The following STRADA variants were observed in gnomAD, a reference collection of about 807,000 sequenced individuals.
STRADA encodes the protein STE20 related adaptor alpha.
STRADA carries 26 observed loss-of-function variants against 55.0 expected under a neutral mutation model. That is an observed-to-expected ratio of 0.47 (90% CI 0.35 to 0.66). The LOEUF (loss-of-function observed/expected upper bound fraction) is 0.66, where lower values mean the gene tolerates loss of function less well. STRADA is among the 30% of genes least tolerant of loss of function. STRADA has a pLI of 0.01. For synonymous variants in STRADA, 197 were observed against 210.9 expected, an observed-to-expected ratio of 0.93 and a Z score of 0.57; for missense variants, 443 against 549.7, an observed-to-expected ratio of 0.81 and a Z score of 1.94.
chr17:63,729,846 T>G (rs1209948231), intron 1 of STRADA, among the ~76,000 whole-genome samples: 1 of 151,826 alleles, frequency 6.6e-6, no homozygotes, highest in Non-Finnish European at 1.5e-5. Context: ...TTTTCCTTTT[T>G]TTTTTTTTGA....
chr17:63,725,313 T>C (rs1418893303), intron 3 of STRADA, among the ~76,000 whole-genome samples: 1 of 152,126 alleles, frequency 6.6e-6, no homozygotes, highest in East Asian at 1.9e-4. Flanking sequence ...ATGTACTCAA[T>C]CTGATAATCT....
At chr17:63,739,477 G>A (rs535668418) in intron 1 of STRADA, among the ~76,000 whole-genome samples, 3 of 151,988 alleles carry the variant, frequency 2.0e-5, no homozygotes, top group Non-Finnish European at 4.4e-5. Flanking sequence ...CACCATGCCC[G>A]GTTATCTGTA....
In STRADA at chr17:63,719,571, C is replaced by A. The variant is rs181553549; in HGVS notation, c.123+3727G>T. Among the ~76,000 whole-genome samples the A allele has an allele frequency of 5.4e-3, 814 of 151,936 alleles. 6 individuals are homozygous for A. Among genetic ancestry groups the A allele is most frequent in the African/African-American group, 0.018 (743 of 41,408 alleles). The stretch of plus-strand genomic sequence containing the variant: ...CGATCTCGGCTCACTGCAACCTCCA[C>A]CTCCCAGGTTCAAGTGATTCTCCTG... On this transcript the variant is annotated intron_variant, in intron 4 of 12. Transcript: ENST00000336174.
intron 1 of STRADA, among the ~76,000 whole-genome samples, chr17:63,739,776 A>ATAATTATATG (rs2038738851): frequency 7.4e-6 from 1 of 134,970 alleles, no homozygotes; most frequent in African/African-American, 3.2e-5. Context: ...ATATATGTAC[A>ATAATTATATG]TATATACATA....
At chr17:63,739,253 A>G (rs2038690250) in intron 1 of STRADA, among the ~76,000 whole-genome samples, 1 of 152,074 alleles carries the variant, frequency 6.6e-6, no homozygotes, top group South Asian at 2.1e-4. Flanking sequence ...ATAACTGCAC[A>G]CAGGTATTTT....
At position 63,705,023 on chromosome 17, in the gene STRADA, C is replaced by T. The variant is rs751131131; in HGVS notation, c.859-441G>A. 8 of 1,059,052 alleles carry T rather than the reference C, an allele frequency of 7.6e-6. No homozygotes were observed. The African/African-American group carries it at 9.4e-5, about 12-fold the overall frequency. 65.6% of individuals were successfully genotyped at this position (1,059,052 alleles called of 1,614,324 possible). A position where few individuals can be genotyped will look rare whatever the true frequency, so the allele number is the denominator to read the frequency against. On this transcript the variant is annotated intron_variant, in intron 10 of 12. Transcript: ENST00000336174. ...CCTGCAGTGCCACAGCCTGGGCTGTCGCTGCAGCAGGCCACACGGGAGCAA... is the reference window on the plus strand; with the variant it reads ...CCTGCAGTGCCACAGCCTGGGCTGTTGCTGCAGCAGGCCACACGGGAGCAA...
At chr17:63,740,151 C>CAT (rs1340895689) in intron 1 of STRADA, among the ~76,000 whole-genome samples, 11,272 of 79,030 alleles carry the variant, frequency 0.14, 2,183 homozygotes, top group South Asian at 0.36. Flanking sequence ...TATATATACA[C>CAT]ACACACACAC....
chr17:63,707,311 A>G lies in STRADA; in HGVS notation c.689T>C (p.Val230Ala). The part of the protein sequence containing the change: ...MISHGQRQRV[V>A]HDFPKYSVKV... ...GACACTGTACTTGGGAAAATCGTGG[A>G]CCACTCGCTGCCGCTGCCCATGGCT... is the stretch of plus-strand genomic sequence containing the variant. Residue 230 changes from valine to alanine, a missense_variant, in exon 9 of 13, where the codon GTC (valine) becomes GCC (alanine). Transcript: ENST00000336174. 1 of 1,614,154 alleles carries G rather than the reference A, an allele frequency of 6.2e-7. No homozygotes were observed. The highest frequency in any genetic ancestry group is 1.1e-5 in the South Asian group (1 of 91,076).
At chr17:63,713,316 G>C in intron 6 of STRADA, 90 bp downstream of exon 6, 1 of 1,534,914 alleles carries the variant, frequency 6.5e-7, no homozygotes. Context: ...CGAACGTTTA[G>C]TCTCCCTTCA....
intron 4 of STRADA, chr17:63,714,606 C>T (rs1568191440): frequency 4.9e-6 from 1 of 203,554 alleles, no homozygotes; most frequent in African/African-American, 2.3e-5. Context: ...TTTAGCAAAC[C>T]AAGAGCCCGG....
chr17:63,725,406 C>T (rs1442853757), intron 3 of STRADA, among the ~76,000 whole-genome samples: 2 of 152,034 alleles, frequency 1.3e-5, no homozygotes, highest in East Asian at 3.9e-4. Flanking sequence ...GGCTGGAGTG[C>T]AATGGCGTGA....
chr17:63,728,098 TTTC>T lies in STRADA; in HGVS notation c.36+233_36+235del, dbSNP rs556832730. On this transcript the variant is annotated intron_variant, in intron 2 of 12. Transcript: ENST00000336174. ...GACTGATATTCATGAAATAAGCCACTTTCTTCTTATTTCTTCTCTATCAGACAA... is the reference window on the plus strand; with the variant it reads ...GACTGATATTCATGAAATAAGCCACTTTCTTATTTCTTCTCTATCAGACAA... 2.2e-3 allele frequency: 1,064 copies of T among 476,864 alleles called. 6 individuals are homozygous for T. Among genetic ancestry groups the T allele is most frequent in the African/African-American group, 0.018 (912 of 50,224 alleles). 29.5% of individuals were successfully genotyped at this position (476,864 alleles called of 1,614,324 possible). A position where few individuals can be genotyped will look rare whatever the true frequency, so the allele number is the denominator to read the frequency against.
In STRADA at chr17:63,714,025, G is replaced by A. The variant is rs761309470; in HGVS notation, c.207C>T (p.Tyr69=). The A allele has an allele frequency of 1.4e-5, 23 of 1,613,562 alleles. No individual in the cohort carries two copies. Among genetic ancestry groups the A allele is most frequent in the South Asian group, 7.7e-5 (7 of 91,078 alleles). The change falls in exon 5 of 13, where the codon TAC becomes TAT. Residue 69 remains tyrosine, a synonymous_variant. Transcript: ENST00000336174. ...ACATACCTATCACAGTGAGCAGCTC[G>A]TAACACCCTCCCTCTGGCAGAAAGC... ...MSSFLPEGGC[Y]ELLTVIGKGF... is the part of the protein sequence containing the mutation.
Position 63,738,117 on chromosome 17 carries a change from C to A in STRADA, c.-45+3624G>T, listed in dbSNP as rs890174188. On this transcript the variant is annotated intron_variant, in intron 1 of 12. Coordinates refer to ENST00000336174, the MANE Select transcript of STRADA (RefSeq NM_001003787.4). The stretch of plus-strand genomic sequence containing the variant: ...CAGCACCTTGGGAGGCCGAGGCGGG[C>A]AGATCACAAGGTCAGGAGTTCGAGA... 1.1e-4 allele frequency among the ~76,000 whole-genome samples: 17 copies of A among 151,848 alleles called. No homozygotes were observed. The East Asian group carries it at 2.3e-3, about 21-fold the overall frequency.
rs2035862989 is a variant in STRADA, at chr17:63,703,676, G to C, written c.1219C>G (p.Gln407Glu). Residue 407 changes from glutamine to glutamate, a missense_variant, in exon 13 of 13, where the codon CAG (glutamine) becomes GAG (glutamate). Coordinates refer to ENST00000336174, the MANE Select transcript of STRADA (RefSeq NM_001003787.4). The part of the protein sequence containing the change: ...VTPITNFEGS[Q>E]SQDHSGIFGL... ...AAGATTCCACTGTGGTCCTGAGACT[G>C]GCTGCCCTCAAAATTGGTGATGGGG... 6.2e-7 allele frequency: 1 copy of C among 1,614,074 alleles called. No homozygotes were observed. The highest frequency in any genetic ancestry group is 8.5e-7 in the Non-Finnish European group (1 of 1,180,032).
At chr17:63,723,187 A>G in intron 4 of STRADA, 111 bp downstream of exon 4, 1 of 1,260,934 alleles carries the variant, frequency 7.9e-7, no homozygotes, top group Non-Finnish European at 1.2e-6. Context: ...AATAAAGCTC[A>G]GTGACAGATA....
chr17:63,706,404 C>A (rs1036374849), intron 10 of STRADA: 6 of 499,808 alleles, frequency 1.2e-5, no homozygotes, highest in Admixed American at 7.2e-5. Context: ...TCCATTTGCA[C>A]CCCTGCTCCC....
chr17:63,740,230 G>A (rs1598293510), intron 1 of STRADA, among the ~76,000 whole-genome samples: 1 of 149,030 alleles, frequency 6.7e-6, no homozygotes, highest in East Asian at 2.0e-4. Context: ...AGCTTTATTG[G>A]CCGGGCGCGG....
chr17:63,719,313 A>G (rs2037125420), intron 4 of STRADA, among the ~76,000 whole-genome samples: 1 of 152,200 alleles, frequency 6.6e-6, no homozygotes, highest in African/African-American at 2.4e-5. Context: ...GGCCTCAATG[A>G]GAGGCAACTA....
Sources: gnomAD v4.1 joint callset for allele counts (sites outside exome capture counted in the v4.1 genomes callset) on GRCh38, gnomAD v4.1.1 for gene constraint, MANE v1.5 for transcripts, NCBI Gene and HGNC (gene_info 2026-07-23, HGNC 2026-07-21) for gene names.